The following NEMP2 variants were observed in gnomAD, a reference collection of about 807,000 sequenced individuals.
NEMP2 encodes the protein nuclear envelope integral membrane protein 2.
In NEMP2, 53 loss-of-function variants were observed where a neutral mutation model predicts 54.2. The observed-to-expected ratio is 0.98, with a 90% CI of 0.78 to 1.23. The LOEUF (loss-of-function observed/expected upper bound fraction) is 1.23, where lower values mean the gene tolerates loss of function less well. NEMP2 is among the 50% of genes most tolerant of loss of function. NEMP2 has a pLI of 0.00. For missense variants in NEMP2, 455 were observed against 511.3 expected, an observed-to-expected ratio of 0.89 and a Z score of 1.06; for synonymous variants, 197 against 190.3, an observed-to-expected ratio of 1.04 and a Z score of -0.29.
the NEMP2 span, chr2:190,436,817 T>C: frequency 1.2e-6 from 2 of 1,614,122 alleles, no homozygotes; most frequent in Non-Finnish European, 1.7e-6. The surrounding 1 kb of genome is among the most constrained non-coding windows in gnomAD (Gnocchi z 5.3). Context: ...ACCACTGTTA[T>C]TGTTACCACC....
At chr2:190,426,020 G>C in the NEMP2 span, among the ~76,000 whole-genome samples, 1 of 152,108 alleles carries the variant, frequency 6.6e-6, no homozygotes, top group African/African-American at 2.4e-5. This position sits in a 1 kb window ranked among gnomAD's most constrained non-coding sequence, Gnocchi z 4.7. Flanking sequence ...TGACTGATGA[G>C]TTTTGGTGTG....
chr2:190,496,680 A>G, the NEMP2 span, among the ~76,000 whole-genome samples: 1 of 151,838 alleles, frequency 6.6e-6, no homozygotes, highest in Non-Finnish European at 1.5e-5. The surrounding 1 kb of genome is among the most constrained non-coding windows in gnomAD (Gnocchi z 4.7). Flanking sequence ...GTGTGTGTGT[A>G]TATACACACA....
At chr2:190,515,136 C>G (rs1690508658) in intron 6 of NEMP2, among the ~76,000 whole-genome samples, 1 of 152,180 alleles carries the variant, frequency 6.6e-6, no homozygotes, top group African/African-American at 2.4e-5. Flanking sequence ...ATAAGCTATT[C>G]TGTGTCTCTG....
rs753636955 is a variant in NEMP2 at position 190,531,712 on chromosome 2, A to C, written c.97+2847T>G. ...GACAGCTACATATCACCTAATTATA[A>C]GCTCAATTATCTCCTTTGTAGTACT... On this transcript the variant is annotated intron_variant, in intron 1 of 8. Coordinates refer to ENST00000409150, the MANE Select transcript of NEMP2 (RefSeq NM_001142645.2). The surrounding 1 kb of genome is among the most constrained non-coding windows in gnomAD (Gnocchi z 4.7). Among the ~76,000 whole-genome samples the C allele has an allele frequency of 5.3e-4, 80 of 152,168 alleles. 1 individual carries two copies. Among genetic ancestry groups the C allele is most frequent in the Admixed American group, 2.7e-3 (41 of 15,272 alleles).
At position 190,528,791 on chromosome 2, in the gene NEMP2, T is replaced by C. The variant is rs1315898592; in HGVS notation, c.98-3413A>G. ...CTCTTCAAATAAGGTTCTTTCCACT[T>C]GATCCTAAGACTGTCTCCTAAATCA... On this transcript the variant is annotated intron_variant, in intron 1 of 8. Coordinates refer to ENST00000409150, the MANE Select transcript of NEMP2 (RefSeq NM_001142645.2). This position sits in a 1 kb window ranked among gnomAD's most constrained non-coding sequence, Gnocchi z 4.3. Among the ~76,000 whole-genome samples, 1 of 152,232 alleles carries C rather than the reference T, an allele frequency of 6.6e-6. No homozygotes were observed. Among genetic ancestry groups the C allele is most frequent in the Non-Finnish European group, 1.5e-5 (1 of 68,034 alleles).
chr2:190,593,077 T>A, the NEMP2 span, among the ~76,000 whole-genome samples: 1 of 152,136 alleles, frequency 6.6e-6, no homozygotes, highest in Non-Finnish European at 1.5e-5. This position sits in a 1 kb window ranked among gnomAD's most constrained non-coding sequence, Gnocchi z 4.5. Flanking sequence ...AAAATTAGTA[T>A]CAAAATAGTT....
the NEMP2 span, among the ~76,000 whole-genome samples, chr2:190,447,898 T>C: frequency 6.6e-6 from 1 of 152,286 alleles, no homozygotes; most frequent in Non-Finnish European, 1.5e-5. This position sits in a 1 kb window ranked among gnomAD's most constrained non-coding sequence, Gnocchi z 4.5. Flanking sequence ...CCATGTAATA[T>C]AGCTACCAGG....
At chr2:190,570,459 G>T in the NEMP2 span, among the ~76,000 whole-genome samples, 1 of 152,168 alleles carries the variant, frequency 6.6e-6, no homozygotes, top group African/African-American at 2.4e-5. This position sits in a 1 kb window ranked among gnomAD's most constrained non-coding sequence, Gnocchi z 5.4. Context: ...TGGTGGCCTC[G>T]TTGTCTTCAG....
At chr2:190,455,096 T>C in the NEMP2 span, among the ~76,000 whole-genome samples, 11 of 152,086 alleles carry the variant, frequency 7.2e-5, no homozygotes, top group Non-Finnish European at 1.3e-4. Context: ...CCCTTCTGAG[T>C]GGTGGAGTTG....
At chr2:190,477,344 T>C in the NEMP2 span, 1 of 984,376 alleles carries the variant, frequency 1.0e-6, no homozygotes, top group Non-Finnish European at 1.2e-6. Flanking sequence ...TATTTATTGG[T>C]ATGCTACAGT....
the NEMP2 span, among the ~76,000 whole-genome samples, chr2:190,459,558 T>C: frequency 6.6e-6 from 1 of 152,144 alleles, no homozygotes; most frequent in African/African-American, 2.4e-5. The surrounding 1 kb of genome is among the most constrained non-coding windows in gnomAD (Gnocchi z 5.3). Flanking sequence ...TTCTAAGTGG[T>C]TGGGTTCCAT....
upstream of NEMP2, among the ~76,000 whole-genome samples, chr2:190,537,460 C>T (rs1291326697): frequency 6.6e-6 from 1 of 152,208 alleles, no homozygotes; most frequent in Non-Finnish European, 1.5e-5. Flanking sequence ...TTCCCCTTCA[C>T]TCAGCACTTC....
At chr2:190,584,821 A>T in the NEMP2 span, among the ~76,000 whole-genome samples, 1 of 151,968 alleles carries the variant, frequency 6.6e-6, no homozygotes, top group East Asian at 1.9e-4. This position sits in a 1 kb window ranked among gnomAD's most constrained non-coding sequence, Gnocchi z 4.2. Context: ...GGTTACAGTG[A>T]GCTATGATTA....
the NEMP2 span, among the ~76,000 whole-genome samples, chr2:190,581,612 T>C: frequency 2.0e-5 from 3 of 152,222 alleles, no homozygotes; most frequent in African/African-American, 7.2e-5. Context: ...TTTTCTTATG[T>C]ATTGCTTTGT....
At chr2:190,623,593 T>C in the NEMP2 span, among the ~76,000 whole-genome samples, 1 of 152,184 alleles carries the variant, frequency 6.6e-6, no homozygotes, top group Non-Finnish European at 1.5e-5. Context: ...TAAATGGTGG[T>C]GGGAAAACTG....
rs1002441201 is a variant in NEMP2 at position 190,509,851 on chromosome 2, A to G, written c.1130+510T>C. ...TCAGGAGTTAGAGACCAGCCTGACCAACATGGTGAAACCCCATCTCTACTG... is the reference window on the plus strand; with the variant it reads ...TCAGGAGTTAGAGACCAGCCTGACCGACATGGTGAAACCCCATCTCTACTG... On this transcript the variant is annotated intron_variant, in intron 8 of 8. Transcript: ENST00000409150. This position sits in a 1 kb window ranked among gnomAD's most constrained non-coding sequence, Gnocchi z 6.1. Among the ~76,000 whole-genome samples, 1 of 152,242 alleles carries G rather than the reference A, an allele frequency of 6.6e-6. No homozygotes were observed. Among genetic ancestry groups the G allele is most frequent in the African/African-American group, 2.4e-5 (1 of 41,470 alleles).
At chr2:190,589,911 G>A in the NEMP2 span, among the ~76,000 whole-genome samples, 1 of 152,166 alleles carries the variant, frequency 6.6e-6, no homozygotes, top group Admixed American at 6.5e-5. The surrounding 1 kb of genome is among the most constrained non-coding windows in gnomAD (Gnocchi z 4.3). Flanking sequence ...TGTGGCTGCT[G>A]AAGGAATTGT....
At chr2:190,484,214 G>T in the NEMP2 span, among the ~76,000 whole-genome samples, 2 of 152,152 alleles carry the variant, frequency 1.3e-5, no homozygotes, top group Non-Finnish European at 2.9e-5. Context: ...TGTTACTGTT[G>T]TCAGTCAGGG....
chr2:190,596,605 T>G, the NEMP2 span, among the ~76,000 whole-genome samples: 10 of 152,234 alleles, frequency 6.6e-5, no homozygotes, highest in Non-Finnish European at 1.3e-4. The surrounding 1 kb of genome is among the most constrained non-coding windows in gnomAD (Gnocchi z 5.1). Flanking sequence ...GATCTAAATC[T>G]TCTTTCTTCC....
Sources: allele counts gnomAD v4.1 joint callset (sites outside exome capture counted in the v4.1 genomes callset), GRCh38; gene constraint gnomAD v4.1.1; non-coding constraint Gnocchi (gnomAD v3.1); transcripts MANE v1.5; gene names NCBI Gene and HGNC (gene_info 2026-07-23, HGNC 2026-07-21).